Variants in KIAA1217 observed in about 807,000 individuals in gnomAD.
KIAA1217 encodes sickle tail protein homolog.
KIAA1217 carries 88 observed loss-of-function variants against 163.9 expected under a neutral mutation model. The observed-to-expected ratio is 0.54, with a 90% confidence interval of 0.45 to 0.64. The LOEUF (loss-of-function observed/expected upper bound fraction) is 0.64, where lower values mean the gene tolerates loss of function less well. KIAA1217 is among the 30% of genes least tolerant of loss of function. KIAA1217 has a pLI of 0.00. For synonymous variants in KIAA1217, 903 were observed against 923.1 expected (o/e 0.98, Z 0.39); for missense variants, 2,372 against 2,475.0 (o/e 0.96, Z 0.88).
chr10:23,715,175 C>T (rs960649344), intron 1 of KIAA1217, among the ~76,000 whole-genome samples: 3 of 152,172 alleles, frequency 2.0e-5, no homozygotes, highest in Non-Finnish European at 4.4e-5. Flanking sequence ...TTACTTTAGC[C>T]TCCTCTTACT....
intron 1 of KIAA1217, among the ~76,000 whole-genome samples, chr10:23,826,363 G>T (rs892872188): frequency 6.6e-6 from 1 of 152,102 alleles, no homozygotes; most frequent in Non-Finnish European, 1.5e-5. Context: ...GTAGTTCAAA[G>T]GTTTTACCAC....
At chr10:24,412,674 A>G (rs769945615) in intron 3 of KIAA1217, among the ~76,000 whole-genome samples, 6 of 152,056 alleles carry the variant, frequency 3.9e-5, no homozygotes, top group Non-Finnish European at 7.4e-5. Context: ...TGTTGGTTGC[A>G]TCTCATTTTC....
intron 2 of KIAA1217, among the ~76,000 whole-genome samples, chr10:24,257,475 G>C (rs1013069665): frequency 2.0e-5 from 3 of 152,074 alleles, no homozygotes; most frequent in African/African-American, 7.2e-5. Flanking sequence ...TTTAGATCCT[G>C]GATCAAAATG....
intron 2 of KIAA1217, among the ~76,000 whole-genome samples, chr10:24,139,743 A>T (rs2063976832): frequency 6.6e-6 from 1 of 152,230 alleles, no homozygotes; most frequent in African/African-American, 2.4e-5. Flanking sequence ...TAATATATAC[A>T]GTAGTCCCCA....
chr10:24,243,981 TG>T (rs1250348283), intron 2 of KIAA1217, among the ~76,000 whole-genome samples: 1 of 152,230 alleles, frequency 6.6e-6, no homozygotes, highest in Non-Finnish European at 1.5e-5. Context: ...GTAAATCAGA[TG>T]GGCTGCGTGC....
At chr10:23,886,156 C>T (rs1254418299) in intron 1 of KIAA1217, among the ~76,000 whole-genome samples, 1 of 151,856 alleles carries the variant, frequency 6.6e-6, no homozygotes, top group Non-Finnish European at 1.5e-5. Context: ...TGGCTCCTGT[C>T]CTTCACAAAT....
intron 3 of KIAA1217, among the ~76,000 whole-genome samples, chr10:24,390,563 AAGAG>A (rs1490635881): frequency 3.8e-5 from 5 of 133,170 alleles, no homozygotes; most frequent in Non-Finnish European, 8.0e-5. Flanking sequence ...GAAAGGGAGA[AAGAG>A]AGAGGGAGGG....
chr10:23,713,039 G>A (rs1249920932), intron 1 of KIAA1217, among the ~76,000 whole-genome samples: 1 of 152,092 alleles, frequency 6.6e-6, no homozygotes, highest in African/African-American at 2.4e-5. Context: ...TAGAATGCCA[G>A]ATCAAGGTTT....
intron 1 of KIAA1217, among the ~76,000 whole-genome samples, chr10:23,941,120 T>C (rs1415663485): frequency 6.6e-6 from 1 of 152,230 alleles, no homozygotes; most frequent in East Asian, 1.9e-4. Flanking sequence ...GGGCAAAGCT[T>C]TCGAGGCAGA....
intron 1 of KIAA1217, among the ~76,000 whole-genome samples, chr10:23,704,252 G>A (rs1836731858): frequency 7.5e-6 from 1 of 133,510 alleles, no homozygotes; most frequent in Admixed American, 7.7e-5. Flanking sequence ...TGACCCCAGG[G>A]CTTCTTTTTT....
At chr10:24,133,197 A>C (rs1052377272) in intron 2 of KIAA1217, among the ~76,000 whole-genome samples, 3 of 152,106 alleles carry the variant, frequency 2.0e-5, no homozygotes, top group Non-Finnish European at 4.4e-5. Flanking sequence ...GAGTAGGAGA[A>C]TCTCTGAGGA....
At chr10:24,098,760 T>TGTGTGTGTGTGTG (rs1554865618) in intron 2 of KIAA1217, among the ~76,000 whole-genome samples, 50 of 146,872 alleles carry the variant, frequency 3.4e-4, no homozygotes, top group African/African-American at 5.9e-4. Context: ...TGTGTGTGTG[T>TGTGTGTGTGTGTG]TAGAGAGAGA....
Position 23,997,988 on chromosome 10 carries a change from T to A in KIAA1217, c.-320-9237T>A, listed in dbSNP as rs550542976. 1.2e-3 allele frequency among the ~76,000 whole-genome samples: 175 copies of A among 151,420 alleles called. 1 individual carries two copies. The highest frequency in any genetic ancestry group is 4.0e-3 in the African/African-American group (162 of 40,934). Reference sequence around the variant, plus strand: ...GGTATGGAGAAGGGGGCTTTCTTTTTTTTTTTCCCCCCAAAACTAATCTAA... The same window carrying A: ...GGTATGGAGAAGGGGGCTTTCTTTTATTTTTTCCCCCCAAAACTAATCTAA... On this transcript the variant is annotated intron_variant, in intron 1 of 18. Coordinates refer to the KIAA1217 transcript ENST00000376462.
rs2075358869 is a variant in KIAA1217 at position 24,543,565 on chromosome 10, A to T, written c.4295A>T (p.Glu1432Val). The change falls in exon 19 of 21, where the codon GAG becomes GTG. Residue 1432 changes from glutamate to valine, a missense_variant. By Grantham distance (121) the Glu-to-Val change is moderately radical. Coordinates refer to ENST00000376454, the MANE Select transcript of KIAA1217 (RefSeq NM_019590.5). ...CCCCGACAAGAAGGGACTGACAATG[A>T]GGATCCAGTCGTGTGCCTGGACAAG... ...MTPRQEGTDN[E>V]DPVVCLDKKP... 3 of 1,614,022 alleles carry T rather than the reference A, an allele frequency of 1.9e-6. No individual in the cohort carries two copies. The highest frequency in any genetic ancestry group is 1.3e-5 in the African/African-American group (1 of 74,924).
intron 2 of KIAA1217, among the ~76,000 whole-genome samples, chr10:24,279,305 G>A (rs1296934140): frequency 6.6e-6 from 1 of 151,400 alleles, no homozygotes; most frequent in African/African-American, 2.4e-5. Context: ...AAGATCTGCA[G>A]AGGCTATTGT....
intron 1 of KIAA1217, among the ~76,000 whole-genome samples, chr10:23,838,407 G>T (rs1838597052): frequency 1.3e-5 from 2 of 151,902 alleles, no homozygotes; most frequent in Non-Finnish European, 2.9e-5. Flanking sequence ...GATGAAAAAT[G>T]ACACTTCATG....
chr10:23,861,291 A>C (rs914988264), intron 1 of KIAA1217, among the ~76,000 whole-genome samples: 1 of 152,196 alleles, frequency 6.6e-6, no homozygotes, highest in Non-Finnish European at 1.5e-5. Flanking sequence ...CAAGAAAGGC[A>C]GGCTTGGTAA....
intron 1 of KIAA1217, among the ~76,000 whole-genome samples, chr10:23,980,625 A>G (rs552446500): frequency 1.3e-5 from 2 of 152,258 alleles, no homozygotes; most frequent in East Asian, 1.9e-4. Context: ...AGAAAAACCA[A>G]TTCCTCTTTC....
In KIAA1217 at chr10:24,281,914, A is replaced by G. The variant is rs369680578; in HGVS notation, c.354+62005A>G. Among the ~76,000 whole-genome samples the G allele has an allele frequency of 1.0e-3, 152 of 152,080 alleles. 1 individual carries two copies. The highest frequency in any genetic ancestry group is 3.3e-3 in the African/African-American group (135 of 41,426). The stretch of plus-strand genomic sequence containing the variant: ...CTACTAAAAATACAAAAAATTAGCC[A>G]GGTGTGGTGGCGGGTGCCTGTAGTC... On this transcript the variant is annotated intron_variant, in intron 2 of 20. Transcript: ENST00000376454.
Sources: allele counts gnomAD v4.1 joint callset (sites outside exome capture counted in the v4.1 genomes callset), GRCh38; gene constraint gnomAD v4.1.1; transcripts MANE v1.5; gene names NCBI Gene and HGNC (gene_info 2026-07-23, HGNC 2026-07-21).